Variants in PTPN13 observed in about 807,000 individuals in gnomAD.
PTPN13 encodes tyrosine-protein phosphatase non-receptor type 13.
PTPN13 carries 191 observed loss-of-function variants against 284.0 expected under a neutral mutation model. The ratio of observed to expected loss-of-function variants is 0.67; its 90% CI spans 0.60 to 0.76. PTPN13 has a LOEUF of 0.76. Ranked by LOEUF, PTPN13 falls within the 30% of genes least tolerant of loss-of-function variation. PTPN13 has a pLI of 0.00. For missense variants in PTPN13, 2,797 were observed against 2,939.9 expected (o/e 0.95, Z 1.12); for synonymous variants, 986 against 1,022.3 (o/e 0.96, Z 0.68).
At chr4:86,788,335 T>G (rs1742229128) in intron 40 of PTPN13, among the ~76,000 whole-genome samples, 1 of 152,168 alleles carries the variant, frequency 6.6e-6, no homozygotes, top group Admixed American at 6.5e-5. Context: ...CTGGCTAGTT[T>G]TAAAAATTAT....
At chr4:86,780,753 CCAAA>C (rs1401636856) in intron 36 of PTPN13, among the ~76,000 whole-genome samples, 1 of 151,938 alleles carries the variant, frequency 6.6e-6, no homozygotes, top group Non-Finnish European at 1.5e-5. Flanking sequence ...TGTAATATAT[CCAAA>C]CAATGAAAAG....
intron 40 of PTPN13, among the ~76,000 whole-genome samples, chr4:86,793,797 T>G (rs1026847707): frequency 6.6e-6 from 1 of 152,180 alleles, no homozygotes; most frequent in East Asian, 1.9e-4. Context: ...AGATGTCCTT[T>G]GAAACCAATG....
intron 16 of PTPN13, among the ~76,000 whole-genome samples, 163 bp from the exon 17 acceptor site, chr4:86,744,803 G>A (rs191645331): frequency 3.3e-5 from 5 of 152,208 alleles, no homozygotes; most frequent in East Asian, 1.9e-4. Context: ...TGACAAAATC[G>A]CCTCATGATG....
At chr4:86,758,648 A>C in intron 21 of PTPN13, 30 bp from the exon 22 acceptor site, 1 of 1,567,466 alleles carries the variant, frequency 6.4e-7, no homozygotes. Flanking sequence ...CAGCAATATG[A>C]AAATCTTTTT....
chr4:86,791,419 C>T (rs934797851), intron 40 of PTPN13, among the ~76,000 whole-genome samples: 1 of 152,208 alleles, frequency 6.6e-6, no homozygotes, highest in Non-Finnish European at 1.5e-5. Flanking sequence ...CCTCTGGGGG[C>T]AGGGCAGAGC....
intron 2 of PTPN13, among the ~76,000 whole-genome samples, chr4:86,648,233 C>G (rs1175109424): frequency 6.6e-6 from 1 of 152,088 alleles, no homozygotes; most frequent in Non-Finnish European, 1.5e-5. Flanking sequence ...TAAGAACATT[C>G]AAATTCTACT....
Position 86,769,849 on chromosome 4 carries a change from G to A in PTPN13, c.4570G>A (p.Glu1524Lys), listed in dbSNP as rs777102420. The A allele has an allele frequency of 8.7e-6, 14 of 1,613,834 alleles. No homozygotes were observed. The highest frequency in any genetic ancestry group is 1.2e-5 in the Non-Finnish European group (14 of 1,179,798). ...TTCTCGAGAAGATAATCTTATACCG[G>A]AGCAAATTAATGCCAGCATAGTAAG... ...SFSREDNLIP[E>K]QINASIVRVK... Residue 1524 changes from glutamate to lysine, a missense_variant, in exon 29 of 48, where the codon GAG becomes AAG. By Grantham distance (56) the Glu-to-Lys change is moderately conservative. Coordinates refer to ENST00000411767, the MANE Select transcript of PTPN13 (RefSeq NM_080683.3).
chr4:86,730,248 A>C (rs1017950613), intron 10 of PTPN13, among the ~76,000 whole-genome samples: 2 of 149,598 alleles, frequency 1.3e-5, no homozygotes, highest in African/African-American at 4.9e-5. Flanking sequence ...GTCAGCCTCT[A>C]CTGGGAGGTG....
chr4:86,615,282 T>C (rs763197954), intron 1 of PTPN13, among the ~76,000 whole-genome samples: 1 of 152,134 alleles, frequency 6.6e-6, no homozygotes, highest in African/African-American at 2.4e-5. Flanking sequence ...TAATAAAACC[T>C]GACAAGTCAT....
chr4:86,798,067 T>C (rs1743558000), intron 41 of PTPN13, among the ~76,000 whole-genome samples: 1 of 152,184 alleles, frequency 6.6e-6, no homozygotes, highest in East Asian at 1.9e-4. Flanking sequence ...ATGCAGTCTT[T>C]TTTACATTAA....
chr4:86,650,379 A>C (rs1429084596), intron 2 of PTPN13, among the ~76,000 whole-genome samples: 1 of 143,176 alleles, frequency 7.0e-6, no homozygotes, highest in African/African-American at 2.6e-5. Flanking sequence ...TGGCACAATC[A>C]TGGCTCACTG....
intron 3 of PTPN13, among the ~76,000 whole-genome samples, chr4:86,680,117 C>G (rs1728712387): frequency 6.6e-6 from 1 of 151,942 alleles, no homozygotes; most frequent in South Asian, 2.1e-4. Flanking sequence ...GGGACAGTAC[C>G]CAGCATGTAG....
intron 1 of PTPN13, among the ~76,000 whole-genome samples, chr4:86,606,836 A>T (rs897955103): frequency 1.3e-5 from 2 of 151,884 alleles, no homozygotes; most frequent in African/African-American, 4.8e-5. Flanking sequence ...CTCTAAAAGT[A>T]CTATTTTAGC....
intron 2 of PTPN13, among the ~76,000 whole-genome samples, chr4:86,636,888 GA>G (rs1723083837): frequency 6.6e-6 from 1 of 151,870 alleles, no homozygotes; most frequent in African/African-American, 2.4e-5. Context: ...ATGAATCCAG[GA>G]GCTGGTTTTT....
At chr4:86,671,479 A>G (rs1195311670) in intron 2 of PTPN13, among the ~76,000 whole-genome samples, 1 of 152,120 alleles carries the variant, frequency 6.6e-6, no homozygotes, top group Admixed American at 6.5e-5. Flanking sequence ...TACTTTTTAT[A>G]TGAGGGACAA....
intron 12 of PTPN13, among the ~76,000 whole-genome samples, chr4:86,734,033 T>C (rs1414199747): frequency 6.6e-6 from 1 of 152,184 alleles, no homozygotes; most frequent in Non-Finnish European, 1.5e-5. Flanking sequence ...TAAAATAATA[T>C]ATTCAGTGTC....
chr4:86,689,416 A>G (rs746697789), intron 5 of PTPN13, among the ~76,000 whole-genome samples: 37 of 152,210 alleles, frequency 2.4e-4, no homozygotes, highest in Non-Finnish European at 5.1e-4. Context: ...CAAAAATATC[A>G]TAGAATGATA....
intron 2 of PTPN13, among the ~76,000 whole-genome samples, chr4:86,657,349 G>A (rs547515643): frequency 1.6e-4 from 24 of 152,218 alleles, no homozygotes; most frequent in East Asian, 1.5e-3. Flanking sequence ...GTTCCTATTC[G>A]GCCATCTTGG....
In PTPN13 at chr4:86,676,184, A is replaced by T. The variant is rs1336601905; in HGVS notation, c.294+3641A>T. Reference sequence around the variant, plus strand: ...CCGTTTTCATTCATTCATAAATTTGACAAATGTTTGTTATATGCCAGGACC... The same window carrying T: ...CCGTTTTCATTCATTCATAAATTTGTCAAATGTTTGTTATATGCCAGGACC... On this transcript the variant is annotated intron_variant, in intron 3 of 47. Coordinates refer to ENST00000411767, the MANE Select transcript of PTPN13 (RefSeq NM_080683.3). Among the ~76,000 whole-genome samples the T allele has an allele frequency of 4.6e-5, 7 of 152,368 alleles. No individual in the cohort carries two copies. The East Asian group carries it at 1.2e-3, about 25-fold the overall frequency.
Sources: allele counts gnomAD v4.1 joint callset (sites outside exome capture counted in the v4.1 genomes callset), GRCh38; gene constraint gnomAD v4.1.1; transcripts MANE v1.5; gene names NCBI Gene and HGNC (gene_info 2026-07-23, HGNC 2026-07-21).